The following ABCC1 variants were observed in gnomAD, a reference collection of about 807,000 sequenced individuals.
ABCC1 encodes the protein ATP binding cassette subfamily C member 1 (ABCC1 blood group).
ABCC1 carries 83 observed loss-of-function variants against 172.9 expected under a neutral mutation model. That is an observed-to-expected ratio of 0.48 (90% CI 0.40 to 0.58). The LOEUF is 0.58. Among genes scored for constraint, ABCC1 ranks in the 20% least tolerant of loss-of-function variants. ABCC1 has a pLI of 0.00. For missense variants in ABCC1, 1,817 were observed against 2,002.7 expected (o/e 0.91, Z 1.77); for synonymous variants, 937 against 825.2 (o/e 1.14, Z -2.32).
At chr16:16,119,572 T>C (rs768787389) in intron 23 of ABCC1, among the ~76,000 whole-genome samples, 1 of 151,984 alleles carries the variant, frequency 6.6e-6, no homozygotes, top group Non-Finnish European at 1.5e-5. Flanking sequence ...GCGCCTGCAA[T>C]TCCAGCTACT....
chr16:15,992,809 C>G (rs152022), intron 1 of ABCC1, among the ~76,000 whole-genome samples: 111,399 of 152,068 alleles, frequency 0.73, 41,302 homozygotes, highest in Non-Finnish European at 0.8. Context: ...CTGTACCATG[C>G]CTCCAAGATT....
chr16:15,982,420 G>A (rs2046642693), intron 1 of ABCC1, among the ~76,000 whole-genome samples: 3 of 152,036 alleles, frequency 2.0e-5, no homozygotes. Context: ...TCACATGGCG[G>A]CAGGAAGGAG....
chr16:16,036,139 A>G (rs11075293), intron 6 of ABCC1, among the ~76,000 whole-genome samples: 69,081 of 151,322 alleles, frequency 0.46, 17,257 homozygotes, highest in Non-Finnish European at 0.57. Flanking sequence ...AAATAAATGA[A>G]TGAACGAATA....
At chr16:16,083,821 G>A (rs2050901286) in intron 17 of ABCC1, among the ~76,000 whole-genome samples, 1 of 152,250 alleles carries the variant, frequency 6.6e-6, no homozygotes, top group African/African-American at 2.4e-5. Flanking sequence ...GCCCAAGATA[G>A]GCCCCCCAGA....
At chr16:16,124,524 A>G (rs1038725350) in intron 24 of ABCC1, among the ~76,000 whole-genome samples, 2 of 152,156 alleles carry the variant, frequency 1.3e-5, no homozygotes, top group African/African-American at 2.4e-5. Flanking sequence ...TTCAGATTCC[A>G]GGGAAGATTG....
intron 5 of ABCC1, among the ~76,000 whole-genome samples, chr16:16,031,173 A>C (rs561082950): frequency 1.3e-5 from 2 of 152,266 alleles, no homozygotes; most frequent in East Asian, 3.9e-4. Flanking sequence ...TTTAAAAAGC[A>C]CGCCCAGCCT....
intron 7 of ABCC1, among the ~76,000 whole-genome samples, chr16:16,037,736 G>A (rs2048812602): frequency 6.6e-6 from 1 of 152,196 alleles, no homozygotes; most frequent in Admixed American, 6.5e-5. Context: ...CCGGGGTTCT[G>A]TTCCTCATTC....
intron 19 of ABCC1, chr16:16,098,916 G>A (rs1596495508): frequency 5.2e-6 from 7 of 1,351,896 alleles, no homozygotes; most frequent in Admixed American, 1.9e-5. Flanking sequence ...AGTACTGCCC[G>A]GGTTGGAGTT....
chr16:16,003,424 G>T (rs62647254), intron 1 of ABCC1, among the ~76,000 whole-genome samples: 16,446 of 31,886 alleles, frequency 0.52, 4,816 homozygotes, highest in Non-Finnish European at 0.56. Flanking sequence ...ATGGATGGAT[G>T]GATGGGTGAA....
chr16:16,074,816 T>C lies in ABCC1; in HGVS notation c.1913-1510T>C, dbSNP rs550631596. On this transcript the variant is annotated intron_variant, in intron 14 of 30. Coordinates refer to ENST00000399410, the MANE Select transcript of ABCC1 (RefSeq NM_004996.4). ...GCACCTTCCTCTCTCTCTAGGTTTTTTGTTTTTTTGATGCATGGAGGAAGT... is the reference window on the plus strand; with the variant it reads ...GCACCTTCCTCTCTCTCTAGGTTTTCTGTTTTTTTGATGCATGGAGGAAGT... Among the ~76,000 whole-genome samples the C allele has an allele frequency of 2.0e-5, 3 of 152,364 alleles. No individual in the cohort carries two copies. The South Asian group carries it at 6.2e-4, about 32-fold the overall frequency.
intron 5 of ABCC1, among the ~76,000 whole-genome samples, chr16:16,030,031 ACT>A (rs1187236569): frequency 6.6e-6 from 1 of 152,002 alleles, no homozygotes; most frequent in African/African-American, 2.4e-5. Flanking sequence ...ATCACTGATC[ACT>A]CTGTGGTGAT....
intron 5 of ABCC1, among the ~76,000 whole-genome samples, chr16:16,024,891 G>A (rs1205800882): frequency 6.6e-6 from 1 of 152,132 alleles, no homozygotes; most frequent in African/African-American, 2.4e-5. Flanking sequence ...TCAAAAACCA[G>A]AAAAAGGGCC....
intron 16 of ABCC1, among the ~76,000 whole-genome samples, chr16:16,079,960 G>A (rs2050744060): frequency 6.6e-6 from 1 of 151,776 alleles, no homozygotes; most frequent in Admixed American, 6.6e-5. Context: ...ACAGGCATGC[G>A]CCACCATGTC....
chr16:16,126,573 G>A (rs2045448699), intron 26 of ABCC1, among the ~76,000 whole-genome samples: 1 of 151,980 alleles, frequency 6.6e-6, no homozygotes, highest in Non-Finnish European at 1.5e-5. Flanking sequence ...TAGTAGAGAT[G>A]GGGGTTTCAC....
At chr16:16,059,988 C>G (rs2049843337) in intron 12 of ABCC1, among the ~76,000 whole-genome samples, 1 of 152,036 alleles carries the variant, frequency 6.6e-6, no homozygotes, top group Non-Finnish European at 1.5e-5. Context: ...CAGAACAAGA[C>G]TCTGTCTCAA....
At chr16:15,988,031 C>T (rs2046780518) in intron 1 of ABCC1, among the ~76,000 whole-genome samples, 1 of 152,104 alleles carries the variant, frequency 6.6e-6, no homozygotes, top group African/African-American at 2.4e-5. Context: ...GATCGCAGAT[C>T]ACTGCAACCT....
chr16:16,102,756 C>A (rs1312989495), intron 20 of ABCC1, 39 bp downstream of exon 20: 3 of 1,539,202 alleles, frequency 1.9e-6, no homozygotes, highest in Non-Finnish European at 2.6e-6. Flanking sequence ...AAGGACCCTG[C>A]CCTGCCAGTG....
intron 1 of ABCC1, among the ~76,000 whole-genome samples, chr16:15,979,095 A>T (rs1430414567): frequency 6.6e-6 from 1 of 152,120 alleles, no homozygotes; most frequent in Non-Finnish European, 1.5e-5. Context: ...CATCGAGACC[A>T]TCCTGGTGAA....
intron 20 of ABCC1, among the ~76,000 whole-genome samples, chr16:16,104,011 C>A (rs45608831): frequency 6.6e-6 from 1 of 151,992 alleles, no homozygotes; most frequent in Admixed American, 6.6e-5. Flanking sequence ...CAGACCTTCG[C>A]GGTAAGTGTT....
Sources: gnomAD v4.1 joint callset for allele counts (sites outside exome capture counted in the v4.1 genomes callset) on GRCh38, gnomAD v4.1.1 for gene constraint, MANE v1.5 for transcripts, NCBI Gene and HGNC (gene_info 2026-07-23, HGNC 2026-07-21) for gene names.